OSBPL5: variants seen among roughly 807,000 people sequenced by gnomAD.
OSBPL5 encodes the protein oxysterol-binding protein-related protein 5.
In OSBPL5, 71 loss-of-function variants were observed where a neutral mutation model predicts 111.2. The observed-to-expected ratio is 0.64, with a 90% CI of 0.53 to 0.78. The LOEUF (loss-of-function observed/expected upper bound fraction) is 0.78, where lower values mean the gene tolerates loss of function less well. Among genes scored for constraint, OSBPL5 ranks in the 30% least tolerant of loss-of-function variants. The pLI is 0.00. For missense variants in OSBPL5, 1,210 were observed against 1,189.3 expected (o/e 1.02, Z -0.26); for synonymous variants, 549 against 513.9 (o/e 1.07, Z -0.93).
chr11:3,142,885 C>G lies in OSBPL5; in HGVS notation c.-21-13716G>C, dbSNP rs958010174. ...TGAGACCAGAGGAAAAGGACAAAAC[C>G]AGTCACCCAGGACAGCGGACGGCAC... is the stretch of plus-strand genomic sequence containing the variant. On this transcript the variant is annotated intron_variant, in intron 1 of 21. Transcript: ENST00000263650. The surrounding 1 kb of genome is among the most constrained non-coding windows in gnomAD (Gnocchi z 7.1). Among the ~76,000 whole-genome samples, 7 of 151,880 alleles carry G rather than the reference C, an allele frequency of 4.6e-5. No homozygotes were observed. Among genetic ancestry groups the G allele is most frequent in the African/African-American group, 1.7e-4 (7 of 41,388 alleles).
intron 1 of OSBPL5, among the ~76,000 whole-genome samples, chr11:3,145,960 G>A (rs1846328725): frequency 6.6e-6 from 1 of 152,126 alleles, no homozygotes; most frequent in Non-Finnish European, 1.5e-5. Flanking sequence ...GGTCACAATC[G>A]GCAAATGTGC....
intron 3 of OSBPL5, among the ~76,000 whole-genome samples, chr11:3,124,222 C>G (rs1192835953): frequency 6.6e-6 from 1 of 152,174 alleles, no homozygotes; most frequent in Non-Finnish European, 1.5e-5. Context: ...GGACTGAACC[C>G]AGGCAGTGTT....
intron 10 of OSBPL5, among the ~76,000 whole-genome samples, chr11:3,103,857 T>C (rs1170912267): frequency 1.8e-5 from 2 of 110,230 alleles, no homozygotes; most frequent in Non-Finnish European, 3.8e-5. Flanking sequence ...CTTTCCAGTC[T>C]GCGCAGCCCC....
intron 17 of OSBPL5, chr11:3,093,259 C>T: frequency 2.7e-6 from 2 of 733,160 alleles, no homozygotes; most frequent in Non-Finnish European, 4.3e-6. Context: ...CATCTCCCGC[C>T]TGCAGGGACC....
At chr11:3,103,356 G>A (rs750427841) in intron 10 of OSBPL5, 36 bp from the exon 11 acceptor site, 74 of 1,547,882 alleles carry the variant, frequency 4.8e-5, no homozygotes, top group Non-Finnish European at 5.4e-5. Context: ...CCCCAGCTCC[G>A]GGGGCCGTGG....
intron 11 of OSBPL5, 144 bp downstream of exon 11, chr11:3,103,095 G>A (rs1325902789): frequency 1.1e-5 from 7 of 655,390 alleles, no homozygotes; most frequent in Non-Finnish European, 2.5e-6. Context: ...AAGGACCTGG[G>A]CCCTCTGTGG....
rs538385304 is a variant in OSBPL5 at position 3,130,117 on chromosome 11, G to A, written c.-21-948C>T. On this transcript the variant is annotated intron_variant, in intron 1 of 21. Coordinates refer to ENST00000263650, the MANE Select transcript of OSBPL5 (RefSeq NM_020896.4). This position sits in a 1 kb window ranked among gnomAD's most constrained non-coding sequence, Gnocchi z 4.5. The stretch of plus-strand genomic sequence containing the variant: ...GCCTTTGCAGGCACTTGAAGTTGAC[G>A]GCGCCAGATCCACTGAGGTCTCAGC... 3.9e-5 allele frequency among the ~76,000 whole-genome samples: 6 copies of A among 152,356 alleles called. No homozygotes were observed. The highest frequency in any genetic ancestry group is 4.1e-4 in the South Asian group (2 of 4,834).
intron 3 of OSBPL5, among the ~76,000 whole-genome samples, chr11:3,123,009 C>T (rs1334347562): frequency 6.6e-6 from 1 of 152,326 alleles, no homozygotes; most frequent in East Asian, 1.9e-4. Context: ...ATTGCATGTG[C>T]CCAGCTCTGG....
intron 7 of OSBPL5, among the ~76,000 whole-genome samples, chr11:3,115,982 A>C (rs1214514014): frequency 6.6e-6 from 1 of 152,046 alleles, no homozygotes; most frequent in Non-Finnish European, 1.5e-5. Flanking sequence ...AACCTTTAAA[A>C]TTTGACAAAC....
chr11:3,093,659 C>T lies in OSBPL5; in HGVS notation c.1814G>A (p.Arg605Lys), dbSNP rs1443524635. The change falls in exon 17 of 22, where the codon AGG becomes AAG. Residue 605 changes from arginine to lysine, a missense_variant. Arg to Lys is a conservative substitution (Grantham distance 26, BLOSUM62 2). Transcript: ENST00000263650. ...VLASLSGHWD[R>K]DVFIKEEGSG... ...CCCTTCCTCCTTGATAAACACGTCC[C>T]TGTCCTGCCCCAGATGGCCAGCGGG... 3.1e-6 allele frequency: 5 copies of T among 1,613,244 alleles called. No homozygotes were observed. The highest frequency in any genetic ancestry group is 4.5e-5 in the East Asian group (2 of 44,868).
At chr11:3,123,662 T>C (rs1350858287) in intron 3 of OSBPL5, among the ~76,000 whole-genome samples, 1 of 152,204 alleles carries the variant, frequency 6.6e-6, no homozygotes, top group African/African-American at 2.4e-5. Flanking sequence ...TCAGGCCTTC[T>C]CCTGGCTAGA....
chr11:3,108,027 C>T, intron 7 of OSBPL5, 82 bp from the exon 8 acceptor site: 1 of 1,516,600 alleles, frequency 6.6e-7, no homozygotes, highest in Non-Finnish European at 8.8e-7. Flanking sequence ...GGAGGCTCCC[C>T]CTCACTCTGA....
intron 1 of OSBPL5, among the ~76,000 whole-genome samples, chr11:3,151,077 G>A (rs1253942238): frequency 6.6e-6 from 1 of 152,174 alleles, no homozygotes; most frequent in Non-Finnish European, 1.5e-5. Context: ...TGAAAAGACA[G>A]GGGAGGAGAC....
chr11:3,147,393 C>T (rs1313663963), intron 1 of OSBPL5, among the ~76,000 whole-genome samples: 2 of 152,230 alleles, frequency 1.3e-5, no homozygotes, highest in Admixed American at 6.5e-5. Flanking sequence ...CGGCCTGGGT[C>T]GGGACAGCCG....
chr11:3,087,948 C>G lies in OSBPL5; in HGVS notation c.*257G>C, dbSNP rs982172981. The G allele has an allele frequency of 5.6e-6, 2 of 358,244 alleles. No homozygotes were observed. The highest frequency in any genetic ancestry group is 4.2e-5 in the African/African-American group (2 of 47,648). The allele number at this position is 358,244 out of a possible 1,614,324, so 22.2% of individuals were successfully genotyped here. On this transcript the variant is annotated 3_prime_UTR_variant, in exon 22 of 22. Transcript: ENST00000263650. ...GCAAGATGGCCAGGAGTGCGTCGCA[C>G]AGCAGAAGCTGCATTTGGCTTTAGC...
At position 3,104,442 on chromosome 11, in the gene OSBPL5, G is replaced by A; in HGVS notation, c.1060-65C>T. 6.4e-7 allele frequency: 1 copy of A among 1,559,410 alleles called. No homozygotes were observed. Among genetic ancestry groups the A allele is most frequent in the Non-Finnish European group, 8.7e-7 (1 of 1,156,014 alleles). On this transcript the variant is annotated intron_variant, in intron 9 of 21. Transcript: ENST00000263650. The surrounding 1 kb of genome is among the most constrained non-coding windows in gnomAD (Gnocchi z 5.0). ...GCCGGGAGGAAGGGGTGGCGGGACA[G>A]TGGCAGCTCTGGCTGGAGGAGGCTG... is the stretch of plus-strand genomic sequence containing the variant.
Position 3,092,954 on chromosome 11 carries a change from C to CG in OSBPL5, c.2044dup (p.Arg682ProfsTer2). The stretch of plus-strand genomic sequence containing the variant: ...GGGCATGAGGCTCTCCTGCCGCTCA[C>CG]GGGCCCGCTGCCGCTGTGCCTCCTC... On this transcript the variant is annotated frameshift_variant, in exon 18 of 22. Transcript: ENST00000263650. LOFTEE classifies it high-confidence loss of function. This position sits in a 1 kb window ranked among gnomAD's most constrained non-coding sequence, Gnocchi z 5.4. 1 of 1,589,382 alleles carries CG rather than the reference C, an allele frequency of 6.3e-7. No homozygotes were observed. Among genetic ancestry groups the CG allele is most frequent in the Non-Finnish European group, 8.6e-7 (1 of 1,169,190 alleles).
Position 3,094,251 on chromosome 11 carries a change from C to T in OSBPL5, c.1705G>A (p.Glu569Lys), listed in dbSNP as rs894637866. 2 of 1,613,408 alleles carry T rather than the reference C, an allele frequency of 1.2e-6. No homozygotes were observed. Among genetic ancestry groups the T allele is most frequent in the African/African-American group, 2.7e-5 (2 of 74,940 alleles). ...GCCAGCGCTACCTTGAGTTTGAATTCCAGCTGGGCCTGGAAGTTGTTCTTC... is the reference window on the plus strand; with the variant it reads ...GCCAGCGCTACCTTGAGTTTGAATTTCAGCTGGGCCTGGAAGTTGTTCTTC... The part of the protein sequence containing the change: ...CAKNNFQAQL[E>K]FKLKPFFGGS... The change falls in exon 15 of 22, where the codon GAA becomes AAA. Residue 569 changes from glutamate to lysine, a missense_variant. Physicochemically the swap from Glu to Lys is moderately conservative, Grantham distance 56. Transcript: ENST00000263650.
rs4237782 is a variant in OSBPL5, at chr11:3,110,511, C to T, written c.692-2566G>A. On this transcript the variant is annotated intron_variant, in intron 7 of 21. Coordinates refer to ENST00000263650, the MANE Select transcript of OSBPL5 (RefSeq NM_020896.4). This position sits in a 1 kb window ranked among gnomAD's most constrained non-coding sequence, Gnocchi z 5.3. ...GTTTGCCTGTGCCTCAGTTTCCTGACCTGTCTAATGTGGATGATAACAGTA... is the reference window on the plus strand; with the variant it reads ...GTTTGCCTGTGCCTCAGTTTCCTGATCTGTCTAATGTGGATGATAACAGTA... 0.82 allele frequency among the ~76,000 whole-genome samples: 124,588 copies of T among 152,120 alleles called. 51,167 individuals are homozygous for T. The highest frequency in any genetic ancestry group is 0.89 in the Admixed American group (13,610 of 15,298).
Sources: allele counts gnomAD v4.1 joint callset (sites outside exome capture counted in the v4.1 genomes callset), GRCh38; gene constraint gnomAD v4.1.1; non-coding constraint Gnocchi (gnomAD v3.1); transcripts MANE v1.5; gene names NCBI Gene and HGNC (gene_info 2026-07-23, HGNC 2026-07-21).